ZBTB38: variants seen among roughly 807,000 people sequenced by gnomAD.
ZBTB38 encodes zinc finger and BTB domain-containing protein 38.
In ZBTB38, 20 loss-of-function variants were observed where a neutral mutation model predicts 76.8. The ratio of observed to expected loss-of-function variants is 0.26; its 90% confidence interval spans 0.18 to 0.38. ZBTB38 has a LOEUF of 0.38. Among genes scored for constraint, ZBTB38 ranks in the 10% least tolerant of loss-of-function variants. The pLI, the probability that ZBTB38 is intolerant of heterozygous loss-of-function variation, is 1.00. For synonymous variants in ZBTB38, 504 were observed against 544.2 expected, an observed-to-expected ratio of 0.93 and a Z score of 1.03; for missense variants, 1,082 against 1,482.3, an observed-to-expected ratio of 0.73 and a Z score of 4.43.
Position 141,443,763 on chromosome 3 carries a change from C to A in ZBTB38, c.1375C>A (p.Leu459Ile), listed in dbSNP as rs753231581. The change falls in exon 6 of 6, where the codon CTC becomes ATC. Residue 459 changes from leucine (L) to isoleucine (I), a missense_variant. This residue lies in a region of ZBTB38 where 60 missense variants were observed against 126.0 expected (regional missense o/e 0.48). Coordinates refer to ENST00000321464, the MANE Select transcript of ZBTB38 (RefSeq NM_001376113.1). This position sits in a 1 kb window ranked among gnomAD's most constrained non-coding sequence, Gnocchi z 5.6. ...GGTTAAATTTGTTAATGGGCAAATGCTCTACAGTTGCGTTGTGTGCAAACG... is the reference window on the plus strand; with the variant it reads ...GGTTAAATTTGTTAATGGGCAAATGATCTACAGTTGCGTTGTGTGCAAACG... ...HMVKFVNGQM[L>I]YSCVVCKRSY... 6.8e-6 allele frequency: 11 copies of A among 1,613,798 alleles called. No homozygotes were observed. Among genetic ancestry groups the A allele is most frequent in the Middle Eastern group, 1.6e-4 (1 of 6,084 alleles).
At chr3:141,331,658 T>C (rs1486962265) in intron 1 of ZBTB38, among the ~76,000 whole-genome samples, 1 of 152,242 alleles carries the variant, frequency 6.6e-6, no homozygotes, top group African/African-American at 2.4e-5. Context: ...GGGGCCATTC[T>C]TCTCTGTATT....
At chr3:141,440,732 G>A (rs1018187106) in intron 5 of ZBTB38, among the ~76,000 whole-genome samples, 1 of 152,066 alleles carries the variant, frequency 6.6e-6, no homozygotes, top group African/African-American at 2.4e-5. Context: ...GTGAGTTGCT[G>A]TAAGCATTCT....
intron 1 of ZBTB38, among the ~76,000 whole-genome samples, chr3:141,339,042 C>T (rs1250277929): frequency 6.6e-6 from 1 of 152,036 alleles, no homozygotes; most frequent in Admixed American, 6.6e-5. Context: ...GATAAGACCT[C>T]CCTGGAGTTG....
intron 1 of ZBTB38, among the ~76,000 whole-genome samples, chr3:141,348,252 T>C (rs1248786256): frequency 1.3e-5 from 2 of 152,216 alleles, no homozygotes; most frequent in Non-Finnish European, 2.9e-5. Context: ...TGATAAATCA[T>C]AAGCCCGTGA....
rs2080929613 is a variant in ZBTB38 at position 141,445,121 on chromosome 3, C to T, written c.2733C>T (p.Ser911=). The change falls in exon 6 of 6, where the codon TCC becomes TCT. Residue 911 remains serine (S), a synonymous_variant. Coordinates refer to ENST00000321464, the MANE Select transcript of ZBTB38 (RefSeq NM_001376113.1). This position sits in a 1 kb window ranked among gnomAD's most constrained non-coding sequence, Gnocchi z 6.5. ...TCGATGACGCAAGTGACCAGGATTC[C>T]ACTGACAAACCGTGGCGCCCTTACT... The part of the protein sequence containing the change: ...EVFDDASDQD[S]TDKPWRPYYN... 1.9e-6 allele frequency: 3 copies of T among 1,614,066 alleles called. No individual in the cohort carries two copies. The East Asian group carries it at 6.7e-5, about 36-fold the overall frequency.
At chr3:141,365,858 A>C (rs1057175078), upstream of ZBTB38, among the ~76,000 whole-genome samples, 4 of 152,122 alleles carry the variant, frequency 2.6e-5, no homozygotes, top group African/African-American at 9.7e-5. Context: ...TGTACACTTT[A>C]AGTGAGTGAA....
At position 141,447,256 on chromosome 3, in the gene ZBTB38, T is replaced by C. The variant is rs776730688; in HGVS notation, c.*1280T>C. 3 of 152,612 alleles carry C rather than the reference T, an allele frequency of 2.0e-5. No homozygotes were observed. The highest frequency in any genetic ancestry group is 4.8e-5 in the African/African-American group (2 of 41,448). The allele number at this position is 152,612 out of a possible 1,614,324, so 9.5% of individuals were successfully genotyped here. ...TTCCTTGCCTAAAACAGTAGCTTTG[T>C]TTTTAGGGGGTGGGAAGGTAGGATG... On this transcript the variant is annotated 3_prime_UTR_variant, in exon 6 of 6. Transcript: ENST00000321464.
chr3:141,416,775 T>C (rs775133885), intron 5 of ZBTB38, among the ~76,000 whole-genome samples: 5 of 152,110 alleles, frequency 3.3e-5, no homozygotes, highest in African/African-American at 4.8e-5. Context: ...GAGAAGGCCA[T>C]GTGCAGATGA....
upstream of ZBTB38, among the ~76,000 whole-genome samples, chr3:141,365,987 GT>G: frequency 6.6e-6 from 1 of 152,106 alleles, no homozygotes; most frequent in Non-Finnish European, 1.5e-5. Flanking sequence ...ATTCATAAAG[GT>G]TTGGTTTTAA....
chr3:141,363,825 C>T (rs1357534318), upstream of ZBTB38, among the ~76,000 whole-genome samples: 2 of 152,126 alleles, frequency 1.3e-5, no homozygotes, highest in East Asian at 3.8e-4. Flanking sequence ...GCAAAATTAA[C>T]TTAAAGTGTA....
At chr3:141,340,580 A>C (rs2148902925) in intron 1 of ZBTB38, among the ~76,000 whole-genome samples, 1 of 151,920 alleles carries the variant, frequency 6.6e-6, no homozygotes, top group South Asian at 2.1e-4. Flanking sequence ...AAAAGATCTA[A>C]ATAGACATTT....
At chr3:141,362,799 T>G (rs1943858548) in intron 1 of ZBTB38, among the ~76,000 whole-genome samples, 1 of 152,124 alleles carries the variant, frequency 6.6e-6, no homozygotes, top group Non-Finnish European at 1.5e-5. Context: ...GAAGGGGCTC[T>G]TTGTGATGTT....
At chr3:141,359,675 A>C (rs1943764492) in intron 1 of ZBTB38, among the ~76,000 whole-genome samples, 1 of 152,222 alleles carries the variant, frequency 6.6e-6, no homozygotes, top group Admixed American at 6.5e-5. Flanking sequence ...TCATGCCTGT[A>C]ATCCCAGCAC....
At chr3:141,424,403 C>A (rs1299049003) in intron 5 of ZBTB38, among the ~76,000 whole-genome samples, 1 of 152,074 alleles carries the variant, frequency 6.6e-6, no homozygotes, top group Non-Finnish European at 1.5e-5. Flanking sequence ...CACCTGTGAT[C>A]CTAACTACTC....
chr3:141,432,174 G>A, intron 5 of ZBTB38: 1 of 985,498 alleles, frequency 1.0e-6, no homozygotes, highest in Non-Finnish European at 1.2e-6. Flanking sequence ...CTGCGCAGTA[G>A]ATTTCACTTT....
At chr3:141,348,226 G>A (rs2148926060) in intron 1 of ZBTB38, among the ~76,000 whole-genome samples, 1 of 152,264 alleles carries the variant, frequency 6.6e-6, no homozygotes, top group Non-Finnish European at 1.5e-5. Context: ...TGGTCATATG[G>A]TAAATGTAAT....
At chr3:141,324,729 G>C (rs528234506) in intron 1 of ZBTB38, among the ~76,000 whole-genome samples, 24 of 152,248 alleles carry the variant, frequency 1.6e-4, no homozygotes, top group Non-Finnish European at 1.6e-4. Context: ...AAAGAAAAAG[G>C]GTTTGGAGAA....
chr3:141,411,446 A>T lies in ZBTB38; in HGVS notation c.-1+7415A>T, dbSNP rs140525378. Among the ~76,000 whole-genome samples, 77 of 152,274 alleles carry T rather than the reference A, an allele frequency of 5.1e-4. No individual in the cohort carries two copies. The East Asian group carries it at 0.011, about 22-fold the overall frequency. ...TCTTTGATGCTCTTTCGTGGAAGAG[A>T]TTTACAGTGGTTACAGCCATAACCG... On this transcript the variant is annotated intron_variant, in intron 5 of 5. Transcript: ENST00000321464.
In ZBTB38 at chr3:141,445,177, A is replaced by C; in HGVS notation, c.2789A>C (p.Gln930Pro). Residue 930 changes from glutamine (Q) to proline (P), a missense_variant, in exon 6 of 6, where the codon CAG becomes CCG. Transcript: ENST00000321464. This position sits in a 1 kb window ranked among gnomAD's most constrained non-coding sequence, Gnocchi z 6.5. ...TACAAACCCAAAAAGAAATCCAGAC[A>C]GTTGAAAAAAATGAGGAAAGTCAAC... ...YNYKPKKKSR[Q>P]LKKMRKVNWR... The C allele has an allele frequency of 6.2e-7, 1 of 1,614,134 alleles. No individual in the cohort carries two copies. The highest frequency in any genetic ancestry group is 8.5e-7 in the Non-Finnish European group (1 of 1,180,016).
Sources: gnomAD v4.1 joint callset for allele counts (sites outside exome capture counted in the v4.1 genomes callset) on GRCh38, gnomAD v4.1.1 for gene constraint, gnomAD v4.1.1 regional missense constraint, Gnocchi (gnomAD v3.1) non-coding constraint, MANE v1.5 for transcripts, NCBI Gene and HGNC (gene_info 2026-07-23, HGNC 2026-07-21) for gene names.